The following FAM20B variants were observed in gnomAD, a reference collection of about 807,000 sequenced individuals.
The protein encoded by FAM20B is FAM20B glycosaminoglycan xylosylkinase, also known as glycosaminoglycan xylosylkinase.
A neutral mutation model predicts 43.8 loss-of-function variants in FAM20B; 23 were observed. That is an observed-to-expected ratio of 0.53 (90% CI 0.38 to 0.74). FAM20B has a LOEUF of 0.74. FAM20B is among the 30% of genes least tolerant of loss of function. The pLI, the probability that FAM20B is intolerant of heterozygous loss-of-function variation, is 0.00. For synonymous variants in FAM20B, 178 were observed against 192.4 expected, an observed-to-expected ratio of 0.93 and a Z score of 0.62; for missense variants, 440 against 510.5, an observed-to-expected ratio of 0.86 and a Z score of 1.33.
At chr1:179,071,452 A>C (rs1037737995) in intron 7 of FAM20B, among the ~76,000 whole-genome samples, 18 of 152,300 alleles carry the variant, frequency 1.2e-4, no homozygotes, top group African/African-American at 3.4e-4. Context: ...ATTCCAATCC[A>C]TGTATGTGTA....
At chr1:179,063,537 G>C (rs112446946) in intron 4 of FAM20B, among the ~76,000 whole-genome samples, 8 of 151,948 alleles carry the variant, frequency 5.3e-5, no homozygotes, top group African/African-American at 1.9e-4. Flanking sequence ...GCAGTGAGCT[G>C]AGATCACGCC....
rs1023635884 is a variant in FAM20B at position 179,073,111 on chromosome 1, T to G, written c.*967T>G. 6.6e-6 allele frequency: 1 copy of G among 152,216 alleles called. No homozygotes were observed. Among genetic ancestry groups the G allele is most frequent in the Non-Finnish European group, 1.5e-5 (1 of 68,032 alleles). The allele number at this position is 152,216 out of a possible 1,614,324, so 9.4% of individuals were successfully genotyped here. On this transcript the variant is annotated 3_prime_UTR_variant, in exon 8 of 8. Coordinates refer to ENST00000263733, the MANE Select transcript of FAM20B (RefSeq NM_014864.4). ...CCTCGTTTCTCTTCTGAAATGAATT[T>G]CCACCTCTGCCTTTAAGGCATTTTT... is the stretch of plus-strand genomic sequence containing the variant.
intron 3 of FAM20B, 32 bp from the exon 4 acceptor site, chr1:179,054,497 T>C: frequency 2.2e-6 from 3 of 1,392,282 alleles, no homozygotes; most frequent in Non-Finnish European, 3.1e-6. Flanking sequence ...CCCTAAGATT[T>C]TTCTCTTCTG....
upstream of FAM20B, among the ~76,000 whole-genome samples, chr1:179,024,547 A>G (rs1053637532): frequency 2.0e-5 from 3 of 152,204 alleles, no homozygotes; most frequent in African/African-American, 7.2e-5. Context: ...CATTTTCCCA[A>G]GAATTATGTA....
chr1:179,055,908 A>C (rs1052790996), intron 4 of FAM20B, among the ~76,000 whole-genome samples: 3 of 152,194 alleles, frequency 2.0e-5, no homozygotes, highest in African/African-American at 7.2e-5. Flanking sequence ...ATTTGGCTGG[A>C]GGTAAAGTTC....
At chr1:179,034,432 ACTGTG>A (rs1650136069) in intron 1 of FAM20B, among the ~76,000 whole-genome samples, 1 of 151,720 alleles carries the variant, frequency 6.6e-6, no homozygotes, top group Non-Finnish European at 1.5e-5. Context: ...ACAGGGTCTC[ACTGTG>A]TTACCCAGGC....
At position 179,075,706 on chromosome 1, in the gene FAM20B, C is replaced by T. The variant is rs1390411536; in HGVS notation, c.*3562C>T. 1 of 152,308 alleles carries T rather than the reference C, an allele frequency of 6.6e-6. No individual in the cohort carries two copies. The highest frequency in any genetic ancestry group is 1.5e-5 in the Non-Finnish European group (1 of 67,984). 9.4% of individuals were successfully genotyped at this position (152,308 alleles called of 1,614,324 possible). On this transcript the variant is annotated 3_prime_UTR_variant, in exon 8 of 8. Transcript: ENST00000263733. ...TATTTTGGGAAAGATGAGTCCTATACGTGGCAATTTTTCAATGTCATCTGA... is the reference window on the plus strand; with the variant it reads ...TATTTTGGGAAAGATGAGTCCTATATGTGGCAATTTTTCAATGTCATCTGA...
chr1:179,026,554 T>C (rs1325960066), intron 1 of FAM20B, among the ~76,000 whole-genome samples: 2 of 152,120 alleles, frequency 1.3e-5, no homozygotes, highest in East Asian at 3.9e-4. Context: ...GAGCGCGCCC[T>C]CGCGGGGTCT....
upstream of FAM20B, among the ~76,000 whole-genome samples, chr1:179,024,271 A>G (rs1317314345): frequency 2.0e-5 from 3 of 152,224 alleles, no homozygotes; most frequent in African/African-American, 7.2e-5. Flanking sequence ...AGAAGGGATC[A>G]TCCGCCCAGG....
chr1:179,030,041 T>G (rs905793601), intron 1 of FAM20B, among the ~76,000 whole-genome samples: 1 of 152,218 alleles, frequency 6.6e-6, no homozygotes, highest in African/African-American at 2.4e-5. Context: ...GCTGCTCTTT[T>G]GCTGCTGTTA....
At chr1:179,024,793 G>A (rs1291369035), upstream of FAM20B, among the ~76,000 whole-genome samples, 1 of 152,186 alleles carries the variant, frequency 6.6e-6, no homozygotes, top group African/African-American at 2.4e-5. Context: ...AATAATCTTA[G>A]AGTACTTTCC....
intron 1 of FAM20B, among the ~76,000 whole-genome samples, chr1:179,043,440 C>T (rs1335019320): frequency 6.6e-6 from 1 of 152,104 alleles, no homozygotes; most frequent in Non-Finnish European, 1.5e-5. Context: ...GCAGGGCTCC[C>T]ACCTGTTCCC....
At chr1:179,065,072 C>G (rs1651633375) in intron 6 of FAM20B, among the ~76,000 whole-genome samples, 1 of 150,732 alleles carries the variant, frequency 6.6e-6, no homozygotes, top group Admixed American at 6.6e-5. Context: ...TTTTTTAGGC[C>G]TGAGCTATTT....
chr1:179,020,031 C>T, the FAM20B span, among the ~76,000 whole-genome samples: 2 of 152,132 alleles, frequency 1.3e-5, no homozygotes, highest in Non-Finnish European at 2.9e-5. Context: ...TTCCTCTGTT[C>T]GGGTCACCTC....
At position 179,072,524 on chromosome 1, in the gene FAM20B, G is replaced by T; in HGVS notation, c.*380G>T. ...CTTGCAGTCCTTTCTCTACGCCCGT[G>T]GATTTTGTGGAAACACTTTGCAATC... On this transcript the variant is annotated 3_prime_UTR_variant, in exon 8 of 8. Coordinates refer to ENST00000263733, the MANE Select transcript of FAM20B (RefSeq NM_014864.4). The T allele has an allele frequency of 5.6e-6, 1 of 178,338 alleles. No homozygotes were observed. The highest frequency in any genetic ancestry group is 1.2e-5 in the Non-Finnish European group (1 of 85,948). 11.0% of individuals were successfully genotyped at this position (178,338 alleles called of 1,614,324 possible).
chr1:179,060,473 T>G (rs1169413454), intron 4 of FAM20B, among the ~76,000 whole-genome samples: 1 of 152,128 alleles, frequency 6.6e-6, no homozygotes, highest in African/African-American at 2.4e-5. Flanking sequence ...CAGCACCAGC[T>G]CCTTGTCAGA....
At position 179,075,182 on chromosome 1, in the gene FAM20B, ACT is replaced by A. The variant is rs1439710829; in HGVS notation, c.*3041_*3042del. 1.3e-5 allele frequency: 2 copies of A among 150,982 alleles called. No homozygotes were observed. Among genetic ancestry groups the A allele is most frequent in the Non-Finnish European group, 2.9e-5 (2 of 67,808 alleles). 9.4% of individuals were successfully genotyped at this position (150,982 alleles called of 1,614,324 possible). ...ACTCCAGCCTGGGAGACAGAGCGAG[ACT>A]CTGTCTTAAAAAAAAAAAAAGGAGG... On this transcript the variant is annotated 3_prime_UTR_variant, in exon 8 of 8. Transcript: ENST00000263733.
intron 4 of FAM20B, among the ~76,000 whole-genome samples, chr1:179,061,333 G>A (rs1262406473): frequency 6.6e-6 from 1 of 151,836 alleles, no homozygotes; most frequent in African/African-American, 2.4e-5. Context: ...AGTTCACTTA[G>A]TATGATAGTT....
intron 2 of FAM20B, among the ~76,000 whole-genome samples, chr1:179,049,149 G>A (rs1373464053): frequency 1.3e-5 from 2 of 152,210 alleles, no homozygotes; most frequent in African/African-American, 2.4e-5. Flanking sequence ...TTAGTAGAAA[G>A]AAATATGCCA....
Sources: allele counts gnomAD v4.1 joint callset (sites outside exome capture counted in the v4.1 genomes callset), GRCh38; gene constraint gnomAD v4.1.1; transcripts MANE v1.5; gene names NCBI Gene and HGNC (gene_info 2026-07-23, HGNC 2026-07-21).